TMEM120B: variants seen among roughly 807,000 people sequenced by gnomAD.
TMEM120B encodes the protein transmembrane protein 120B.
Under a neutral mutation model 55.5 loss-of-function variants are expected in TMEM120B, and 31 were observed. The ratio of observed to expected loss-of-function variants is 0.56; its 90% CI spans 0.42 to 0.75. The LOEUF (loss-of-function observed/expected upper bound fraction) is 0.75, where lower values mean the gene tolerates loss of function less well. Ranked by LOEUF, TMEM120B falls within the 30% of genes least tolerant of loss-of-function variation. The pLI, the probability that TMEM120B is intolerant of heterozygous loss-of-function variation, is 0.00. For missense variants in TMEM120B, 399 were observed against 425.5 expected (o/e 0.94, Z 0.55); for synonymous variants, 203 against 176.3 (o/e 1.15, Z -1.20).
Position 121,781,344 on chromosome 12 carries a change from G to A in TMEM120B, c.*5622G>A. On this transcript the variant is annotated 3_prime_UTR_variant, in exon 12 of 12. Coordinates refer to ENST00000449592, the MANE Select transcript of TMEM120B (RefSeq NM_001080825.2). ...CAGCAAGCCAGGAGTGCTGGCACAG[G>A]CCTGTGGTCGCAGCTACTCGGGAGG... 1 of 656,744 alleles carries A rather than the reference G, an allele frequency of 1.5e-6. No homozygotes were observed. The highest frequency in any genetic ancestry group is 2.6e-6 in the Non-Finnish European group (1 of 385,518). 40.7% of individuals were successfully genotyped at this position (656,744 alleles called of 1,614,324 possible). A position where few individuals can be genotyped will look rare whatever the true frequency, so the allele number is the denominator to read the frequency against.
At position 121,748,388 on chromosome 12, in the gene TMEM120B, A is replaced by C; in HGVS notation, c.251A>C (p.Lys84Thr). Residue 84 changes from lysine (K) to threonine (T), a missense_variant, in exon 3 of 12, where the codon AAG becomes ACG. By Grantham distance (78) the Lys-to-Thr change is moderately conservative. Around this residue, in one of 3 missense-constraint regions of TMEM120B, gnomAD observed 133 missense variants for 104.1 expected, o/e 1.28. Coordinates refer to ENST00000449592, the MANE Select transcript of TMEM120B (RefSeq NM_001080825.2). ...ELVQQMAANIKERQDVFFDME... is the reference protein window; with the variant it reads ...ELVQQMAANITERQDVFFDME... ...GTTCAGCAGATGGCAGCGAACATCA[A>C]GGAGCGGCAGGACGTCTTCTTCGAC... 6.2e-7 allele frequency: 1 copy of C among 1,610,904 alleles called. No homozygotes were observed.
At chr12:121,768,556 C>T (rs949547721) in intron 6 of TMEM120B, among the ~76,000 whole-genome samples, 1 of 152,190 alleles carries the variant, frequency 6.6e-6, no homozygotes, top group Non-Finnish European at 1.5e-5. Flanking sequence ...ACCCATTTCC[C>T]TGCCCAGTCC....
intron 5 of TMEM120B, chr12:121,759,025 T>A (rs1470551489): frequency 2.0e-6 from 2 of 985,280 alleles, no homozygotes; most frequent in East Asian, 2.3e-4. Flanking sequence ...GGGATTTTTT[T>A]ATATATGTAA....
chr12:121,771,211 T>A (rs985665375), intron 7 of TMEM120B, among the ~76,000 whole-genome samples: 1 of 152,052 alleles, frequency 6.6e-6, no homozygotes, highest in Non-Finnish European at 1.5e-5. Flanking sequence ...GCTGCAAGGC[T>A]GGAGGGAGCG....
intron 1 of TMEM120B, among the ~76,000 whole-genome samples, chr12:121,723,792 G>A (rs1894840032): frequency 6.6e-6 from 1 of 152,092 alleles, no homozygotes. Context: ...AACTCTGTGT[G>A]TACTATTCCT....
chr12:121,736,458 G>A (rs550212979), intron 1 of TMEM120B, among the ~76,000 whole-genome samples: 30 of 150,328 alleles, frequency 2.0e-4, no homozygotes, highest in South Asian at 4.2e-4. Flanking sequence ...GTGAGCCACC[G>A]TGCCCGGCCG....
chr12:121,775,250 G>A lies in TMEM120B; in HGVS notation c.906+120G>A, dbSNP rs1273925432. On this transcript the variant is annotated intron_variant, in intron 11 of 11. Coordinates refer to ENST00000449592, the MANE Select transcript of TMEM120B (RefSeq NM_001080825.2). The surrounding 1 kb of genome is among the most constrained non-coding windows in gnomAD (Gnocchi z 4.3). The stretch of plus-strand genomic sequence containing the variant: ...TGGGGAGGGCTGGGATGGCAGATGT[G>A]GGGGTGGGGTGTGTGCGTGTGTGTG... 2.7e-6 allele frequency: 3 copies of A among 1,122,380 alleles called. No individual in the cohort carries two copies. Among genetic ancestry groups the A allele is most frequent in the Non-Finnish European group, 3.8e-6 (3 of 792,770 alleles). 69.5% of individuals were successfully genotyped at this position (1,122,380 alleles called of 1,614,324 possible).
Position 121,773,951 on chromosome 12 carries a change from CTTTTTTTTTTT to C in TMEM120B, c.772+452_772+462del, listed in dbSNP as rs560321014. On this transcript the variant is annotated intron_variant, in intron 9 of 11. Coordinates refer to ENST00000449592, the MANE Select transcript of TMEM120B (RefSeq NM_001080825.2). ...ACTGTTTTTAATACAACTCTGCTAT[CTTTTTTTTTTT>C]TTTTTTTTTTTTTGAGACGGAGTCT... 3.1e-5 allele frequency among the ~76,000 whole-genome samples: 3 copies of C among 96,610 alleles called. 1 individual carries two copies. The highest frequency in any genetic ancestry group is 9.2e-5 in the African/African-American group (2 of 21,776). The allele number at this position is 96,610 out of a possible 152,430, so 63.4% of individuals were successfully genotyped here. A position where few individuals can be genotyped will look rare whatever the true frequency, so the allele number is the denominator to read the frequency against.
intron 9 of TMEM120B, among the ~76,000 whole-genome samples, chr12:121,774,006 A>G (rs1194114920): frequency 1.5e-5 from 2 of 129,594 alleles, no homozygotes; most frequent in African/African-American, 3.1e-5. Flanking sequence ...CCCAGGCTGC[A>G]TTGCAGTGGC....
At chr12:121,723,635 G>T (rs1894837383) in intron 1 of TMEM120B, among the ~76,000 whole-genome samples, 1 of 152,156 alleles carries the variant, frequency 6.6e-6, no homozygotes, top group Non-Finnish European at 1.5e-5. Flanking sequence ...CAACTGGAGG[G>T]CAGTTCCTAG....
chr12:121,749,892 C>T (rs1191618676), intron 3 of TMEM120B, among the ~76,000 whole-genome samples: 4 of 144,490 alleles, frequency 2.8e-5, no homozygotes, highest in Non-Finnish European at 4.5e-5. Context: ...GGTGACAGAC[C>T]GAGACTCTGT....
chr12:121,731,890 A>G (rs541440263), intron 1 of TMEM120B, among the ~76,000 whole-genome samples: 1 of 152,350 alleles, frequency 6.6e-6, no homozygotes, highest in East Asian at 1.9e-4. Flanking sequence ...TAATCCCAGT[A>G]CTTTGGGAGG....
intron 6 of TMEM120B, among the ~76,000 whole-genome samples, chr12:121,766,053 G>A (rs1378799564): frequency 6.6e-6 from 1 of 152,104 alleles, no homozygotes; most frequent in Non-Finnish European, 1.5e-5. Context: ...GGGTCCTGGG[G>A]CCATCACGGC....
chr12:121,733,301 C>G (rs1166999001), intron 1 of TMEM120B, among the ~76,000 whole-genome samples: 1 of 147,952 alleles, frequency 6.8e-6, no homozygotes. Context: ...CTGGAGTGCC[C>G]TGGCATGATC....
At chr12:121,767,285 C>T (rs1873880979) in intron 6 of TMEM120B, among the ~76,000 whole-genome samples, 2 of 152,190 alleles carry the variant, frequency 1.3e-5, no homozygotes, top group Admixed American at 1.3e-4. Context: ...CTCAACCTCC[C>T]GAGTAGCTGG....
intron 5 of TMEM120B, among the ~76,000 whole-genome samples, chr12:121,753,064 C>T (rs543042128): frequency 9.7e-4 from 147 of 152,254 alleles, no homozygotes; most frequent in South Asian, 1.9e-3. Flanking sequence ...GCCATGATCA[C>T]ACCACTGCAC....
At chr12:121,765,912 G>A (rs111356284) in intron 6 of TMEM120B, among the ~76,000 whole-genome samples, 4 of 151,442 alleles carry the variant, frequency 2.6e-5, no homozygotes, top group Admixed American at 6.6e-5. Flanking sequence ...GTGTGGAGGC[G>A]GTGGGAGGTG....
At chr12:121,750,703 A>C (rs1418241296) in intron 4 of TMEM120B, among the ~76,000 whole-genome samples, 3 of 124,748 alleles carry the variant, frequency 2.4e-5, no homozygotes, top group Non-Finnish European at 5.0e-5. Flanking sequence ...CCCACACCCC[A>C]TGCCAACACC....
rs142503404 is a variant in TMEM120B, at chr12:121,767,204, A to G, written c.552-3703A>G. Reference sequence around the variant, plus strand: ...GAGATGGAGTCTCGCTCTGTCGCCCAGGCTGGAGTGCAGTGGTGCGATCTC... The same window carrying G: ...GAGATGGAGTCTCGCTCTGTCGCCCGGGCTGGAGTGCAGTGGTGCGATCTC... On this transcript the variant is annotated intron_variant, in intron 6 of 11. Coordinates refer to ENST00000449592, the MANE Select transcript of TMEM120B (RefSeq NM_001080825.2). 5.1e-3 allele frequency among the ~76,000 whole-genome samples: 784 copies of G among 152,354 alleles called. 29 individuals are homozygous for G. In the East Asian group the frequency reaches 0.098, roughly 19 times the overall value.
Sources: gnomAD v4.1 joint callset for allele counts (sites outside exome capture counted in the v4.1 genomes callset) on GRCh38, gnomAD v4.1.1 for gene constraint, gnomAD v4.1.1 regional missense constraint, Gnocchi (gnomAD v3.1) non-coding constraint, MANE v1.5 for transcripts, NCBI Gene and HGNC (gene_info 2026-07-23, HGNC 2026-07-21) for gene names.